The following TDRD15 variants were observed in gnomAD, a reference collection of about 807,000 sequenced individuals.
TDRD15 encodes the protein tudor domain containing 15.
For missense variants in TDRD15, 1,416 were observed against 904.7 expected, an observed-to-expected ratio of 1.57 and a Z score of -7.25; for synonymous variants, 503 against 314.5, an observed-to-expected ratio of 1.60 and a Z score of -6.34.
chr2:21,145,965 C>T (rs557393638), downstream of TDRD15, among the ~76,000 whole-genome samples: 45 of 151,934 alleles, frequency 3.0e-4, no homozygotes, highest in Non-Finnish European at 4.6e-4. Context: ...AAAACTCTGA[C>T]GCCTGGGTCC....
rs149849149 is a variant in TDRD15 at position 21,143,307 on chromosome 2, C to T, written c.*35C>T. The T allele has an allele frequency of 5.8e-6, 3 of 517,730 alleles. No homozygotes were observed. The highest frequency in any genetic ancestry group is 1.0e-5 in the Non-Finnish European group (3 of 288,316). 32.1% of individuals were successfully genotyped at this position (517,730 alleles called of 1,614,324 possible). A position where few individuals can be genotyped will look rare whatever the true frequency, so the allele number is the denominator to read the frequency against. On this transcript the variant is annotated 3_prime_UTR_variant, in exon 4 of 4. Transcript: ENST00000405799. ...TAAGCCTATTTTCCCATTGTTAGATCAAAATTGTTACAAAAAACAAAATAT... is the reference window on the plus strand; with the variant it reads ...TAAGCCTATTTTCCCATTGTTAGATTAAAATTGTTACAAAAAACAAAATAT...
intron 2 of TDRD15, 33 bp from the exon 3 acceptor site, chr2:21,134,729 A>T (rs756953930): frequency 1.3e-5 from 2 of 151,886 alleles, no homozygotes; most frequent in African/African-American, 2.4e-5. Flanking sequence ...TAGTTTGAAA[A>T]ATCCTAATTT....
chr2:21,129,966 CAG>C (rs1558295786), intron 2 of TDRD15, among the ~76,000 whole-genome samples: 1 of 152,166 alleles, frequency 6.6e-6, no homozygotes, highest in Non-Finnish European at 1.5e-5. Flanking sequence ...ATCACGTGGA[CAG>C]GGGGTGAGCA....
chr2:21,144,808 A>G (rs1267104315), downstream of TDRD15, among the ~76,000 whole-genome samples: 2 of 149,808 alleles, frequency 1.3e-5, no homozygotes, highest in Non-Finnish European at 3.0e-5. Flanking sequence ...CAAAATAAAT[A>G]AAACCAAAAA....
chr2:21,131,369 G>C (rs1665714912), intron 2 of TDRD15, among the ~76,000 whole-genome samples: 1 of 152,192 alleles, frequency 6.6e-6, no homozygotes. Context: ...CAAAGTACAA[G>C]ATAGGTAGGC....
chr2:21,141,297 A>C lies in TDRD15; in HGVS notation c.3830A>C (p.Asp1277Ala). 1 of 715,142 alleles carries C rather than the reference A, an allele frequency of 1.4e-6. No individual in the cohort carries two copies. The allele number at this position is 715,142 out of a possible 1,614,324, so 44.3% of individuals were successfully genotyped here. Residue 1277 changes from aspartate (D) to alanine (A), a missense_variant, in exon 4 of 4, where the codon GAC becomes GCC. By Grantham distance (126) the Asp-to-Ala change is moderately radical (BLOSUM62 -2). Transcript: ENST00000405799. ...CAAACAACCTCACAAAACCCATATGACCTTATTAGGCCACAGATCAAAGAC... is the reference window on the plus strand; with the variant it reads ...CAAACAACCTCACAAAACCCATATGCCCTTATTAGGCCACAGATCAAAGAC... ...LNQTTSQNPYDLIRPQIKDLP... is the reference protein window; with the variant it reads ...LNQTTSQNPYALIRPQIKDLP...
intron 2 of TDRD15, among the ~76,000 whole-genome samples, chr2:21,128,870 A>G (rs1335195344): frequency 6.6e-6 from 1 of 152,018 alleles, no homozygotes; most frequent in Non-Finnish European, 1.5e-5. Context: ...TGGAAAAATC[A>G]GAAGGAAAAA....
rs1665851788 is a variant in TDRD15 at position 21,138,314 on chromosome 2, C to G, written c.847C>G (p.Gln283Glu). 3 of 716,528 alleles carry G rather than the reference C, an allele frequency of 4.2e-6. No individual in the cohort carries two copies. Among genetic ancestry groups the G allele is most frequent in the African/African-American group, 3.5e-5 (2 of 57,308 alleles). The allele number at this position is 716,528 out of a possible 1,614,324, so 44.4% of individuals were successfully genotyped here. A position where few individuals can be genotyped will look rare whatever the true frequency, so the allele number is the denominator to read the frequency against. The change falls in exon 4 of 4, where the codon CAA becomes GAA. Residue 283 changes from glutamine (Q) to glutamate (E), a missense_variant. Coordinates refer to ENST00000405799, the MANE Select transcript of TDRD15 (RefSeq NM_001306137.2). ...GACTTTGCATTATGATACCGTCTGT[C>G]AAGAAACTAGTCCCACGTGTGATAA... ...HMTLHYDTVCQETSPTCDNFG... is the reference protein window; with the variant it reads ...HMTLHYDTVCEETSPTCDNFG...
Position 21,139,712 on chromosome 2 carries a change from G to C in TDRD15, c.2245G>C (p.Glu749Gln). The C allele has an allele frequency of 1.4e-6, 1 of 715,086 alleles. No individual in the cohort carries two copies. 44.3% of individuals were successfully genotyped at this position (715,086 alleles called of 1,614,324 possible). ...ACCTGAGTCATCCTGGCCTTATAAA[G>C]AATATATTTTTAGACCAGGAACAGT... ...VGPESSWPYK[E>Q]YIFRPGTVLE... is the part of the protein sequence containing the mutation. Residue 749 changes from glutamate to glutamine, a missense_variant, in exon 4 of 4, where the codon GAA becomes CAA. Glu to Gln is a conservative substitution (Grantham distance 29). Coordinates refer to ENST00000405799, the MANE Select transcript of TDRD15 (RefSeq NM_001306137.2).
chr2:21,142,624 C>G lies in TDRD15; in HGVS notation c.5157C>G (p.Cys1719Trp), dbSNP rs1482079795. The G allele has an allele frequency of 2.8e-6, 2 of 712,670 alleles. No homozygotes were observed. The highest frequency in any genetic ancestry group is 3.5e-5 in the African/African-American group (2 of 57,008). 44.1% of individuals were successfully genotyped at this position (712,670 alleles called of 1,614,324 possible). The change falls in exon 4 of 4, where the codon TGC (cysteine) becomes TGG (tryptophan). Residue 1719 changes from cysteine (C) to tryptophan (W), a missense_variant. Physicochemically the swap from Cys to Trp is radical, Grantham distance 215. Coordinates refer to ENST00000405799, the MANE Select transcript of TDRD15 (RefSeq NM_001306137.2). ...NIESKTPVSSCTIKSFTWVQF... is the reference protein window; with the variant it reads ...NIESKTPVSSWTIKSFTWVQF... ...AATCTAAGACTCCTGTATCATCATG[C>G]ACAATAAAATCATTTACTTGGGTTC...
chr2:21,128,856 G>T (rs1471156648), intron 2 of TDRD15, among the ~76,000 whole-genome samples: 1 of 150,142 alleles, frequency 6.7e-6, no homozygotes, highest in Non-Finnish European at 1.5e-5. Context: ...AGAGAAATTC[G>T]AAGTGGAAAA....
intron 1 of TDRD15, among the ~76,000 whole-genome samples, chr2:21,125,435 T>C (rs1665567060): frequency 1.3e-5 from 2 of 149,906 alleles, no homozygotes; most frequent in Admixed American, 6.7e-5. Context: ...CCAGGGTGTG[T>C]GTGTGTGTGT....
chr2:21,138,939 TATTAAA>T lies in TDRD15; in HGVS notation c.1473_1478del (p.Leu492_Asn493del). On this transcript the variant is annotated inframe_deletion, in exon 4 of 4. Transcript: ENST00000405799. The stretch of plus-strand genomic sequence containing the variant: ...GCCTACATAGCTTTTATAGCATATG[TATTAAA>T]CCCATCAAATTTCTGGGTACGCACT... The T allele has an allele frequency of 1.4e-6, 1 of 714,542 alleles. No individual in the cohort carries two copies. Among genetic ancestry groups the T allele is most frequent in the Non-Finnish European group, 2.6e-6 (1 of 383,734 alleles). The allele number at this position is 714,542 out of a possible 1,614,324, so 44.3% of individuals were successfully genotyped here. A position where few individuals can be genotyped will look rare whatever the true frequency, so the allele number is the denominator to read the frequency against.
chr2:21,130,109 C>T (rs575376231), intron 2 of TDRD15, among the ~76,000 whole-genome samples: 2 of 152,242 alleles, frequency 1.3e-5, no homozygotes, highest in African/African-American at 4.8e-5. Context: ...ATTAAATGTC[C>T]CACATCTCAA....
chr2:21,128,468 G>A (rs979573167), intron 2 of TDRD15, among the ~76,000 whole-genome samples: 3 of 151,578 alleles, frequency 2.0e-5, no homozygotes, highest in Admixed American at 1.3e-4. Context: ...TACTACAGGC[G>A]CCCGCCACCA....
chr2:21,142,538 T>A lies in TDRD15; in HGVS notation c.5071T>A (p.Leu1691Met), dbSNP rs927598167. The change falls in exon 4 of 4, where the codon TTG becomes ATG. Residue 1691 changes from leucine to methionine, a missense_variant. By Grantham distance (15) the Leu-to-Met change is conservative (BLOSUM62 2). Coordinates refer to ENST00000405799, the MANE Select transcript of TDRD15 (RefSeq NM_001306137.2). ...CCTGTTACTTTTGGAATACTTAAAT[T>A]TGAATACAGTTCCTGTTGAAGAAAA... ...DDLLLLEYLN[L>M]NTVPVEENKL... 22 of 701,902 alleles carry A rather than the reference T, an allele frequency of 3.1e-5. No individual in the cohort carries two copies. The highest frequency in any genetic ancestry group is 5.0e-5 in the Non-Finnish European group (19 of 379,720). 43.5% of individuals were successfully genotyped at this position (701,902 alleles called of 1,614,324 possible). A position where few individuals can be genotyped will look rare whatever the true frequency, so the allele number is the denominator to read the frequency against.
Position 21,124,683 on chromosome 2 carries a change from T to C in TDRD15, c.-201+637T>C, listed in dbSNP as rs370887488. On this transcript the variant is annotated intron_variant, in intron 1 of 3. Coordinates refer to ENST00000405799, the MANE Select transcript of TDRD15 (RefSeq NM_001306137.2). ...GTGTGTATGTGTGACAGAGTGATCC[T>C]AATGCCAGGGTGCGTGTGTGTGTGT... Among the ~76,000 whole-genome samples, 862 of 131,644 alleles carry C rather than the reference T, an allele frequency of 6.5e-3. 10 individuals are homozygous for C. Among genetic ancestry groups the C allele is most frequent in the African/African-American group, 0.024 (812 of 33,736 alleles). The allele number at this position is 131,644 out of a possible 152,430, so 86.4% of individuals were successfully genotyped here. A position where few individuals can be genotyped will look rare whatever the true frequency, so the allele number is the denominator to read the frequency against.
At chr2:21,132,890 C>G (rs1248242119) in intron 2 of TDRD15, among the ~76,000 whole-genome samples, 3 of 151,954 alleles carry the variant, frequency 2.0e-5, no homozygotes, top group Non-Finnish European at 4.4e-5. Context: ...CTGAATAATT[C>G]TTTGTTTGTG....
chr2:21,132,667 A>G (rs993398086), intron 2 of TDRD15, among the ~76,000 whole-genome samples: 15 of 152,124 alleles, frequency 9.9e-5, no homozygotes, highest in African/African-American at 3.4e-4. Context: ...TTTTGCCTAT[A>G]GTTAACAAAA....
Sources: gnomAD v4.1 joint callset for allele counts (sites outside exome capture counted in the v4.1 genomes callset) on GRCh38, gnomAD v4.1.1 for gene constraint, MANE v1.5 for transcripts, NCBI Gene and HGNC (gene_info 2026-07-23, HGNC 2026-07-21) for gene names.